IGDCC3: variants seen among roughly 807,000 people sequenced by gnomAD.
The protein encoded by IGDCC3 is immunoglobulin superfamily DCC subclass member 3, also known as putative neuronal cell adhesion molecule.
IGDCC3 carries 47 observed loss-of-function variants against 72.0 expected under a neutral mutation model. The ratio of observed to expected loss-of-function variants is 0.65; its 90% CI spans 0.52 to 0.83. IGDCC3 has a LOEUF of 0.83. IGDCC3 is among the 40% of genes least tolerant of loss of function. IGDCC3 has a pLI of 0.00. For missense variants in IGDCC3, 1,038 were observed against 1,091.3 expected (o/e 0.95, Z 0.69); for synonymous variants, 477 against 472.8 (o/e 1.01, Z -0.11).
intron 2 of IGDCC3, among the ~76,000 whole-genome samples, chr15:65,372,503 C>A (rs896510911): frequency 1.3e-5 from 2 of 152,186 alleles, no homozygotes; most frequent in African/African-American, 2.4e-5. Flanking sequence ...GCATCTGAAC[C>A]CCCTGATGGA....
At chr15:65,330,228 A>C in intron 11 of IGDCC3, 65 bp downstream of exon 11, 6 of 1,146,576 alleles carry the variant, frequency 5.2e-6, no homozygotes, top group Non-Finnish European at 7.8e-6. Flanking sequence ...GGCACATGCT[A>C]TCTCACCCCA....
chr15:65,367,387 A>G (rs1169336334), intron 2 of IGDCC3, among the ~76,000 whole-genome samples: 15 of 148,208 alleles, frequency 1.0e-4, no homozygotes, highest in African/African-American at 2.2e-4. Flanking sequence ...AGGAATGGGG[A>G]GAGGGGGGAG....
In IGDCC3 at chr15:65,359,634, A is replaced by G. The variant is rs532493478; in HGVS notation, c.409+15463T>C. Among the ~76,000 whole-genome samples, 168 of 152,324 alleles carry G rather than the reference A, an allele frequency of 1.1e-3. 2 individuals carry two copies. Among genetic ancestry groups the G allele is most frequent in the Non-Finnish European group, 1.4e-3 (97 of 68,030 alleles). Reference sequence around the variant, plus strand: ...CCTCTCCCAAGTGGCCAATGGTCAGACCTTGGAAGAAGGGTGTTTCAGGGA... The same window carrying G: ...CCTCTCCCAAGTGGCCAATGGTCAGGCCTTGGAAGAAGGGTGTTTCAGGGA... On this transcript the variant is annotated intron_variant, in intron 2 of 13. Transcript: ENST00000327987.
chr15:65,331,920 C>T (rs748834469), intron 7 of IGDCC3, 21 bp downstream of exon 7: 4 of 1,607,360 alleles, frequency 2.5e-6, no homozygotes, highest in African/African-American at 1.3e-5. Context: ...GTCCTCACCC[C>T]AGCACACACC....
Position 65,349,521 on chromosome 15 carries a change from T to C in IGDCC3, c.410-13565A>G, listed in dbSNP as rs138077239. Reference sequence around the variant, plus strand: ...AGTCTTAAGCTGGTGTATTTTGTGCTATGAATTCGTTTTTCTGTGTCGAGG... The same window carrying C: ...AGTCTTAAGCTGGTGTATTTTGTGCCATGAATTCGTTTTTCTGTGTCGAGG... On this transcript the variant is annotated intron_variant, in intron 2 of 13. Transcript: ENST00000327987. Among the ~76,000 whole-genome samples, 737 of 152,366 alleles carry C rather than the reference T, an allele frequency of 4.8e-3. 6 individuals are homozygous for C. Among genetic ancestry groups the C allele is most frequent in the African/African-American group, 0.016 (683 of 41,584 alleles).
chr15:65,335,608 T>A (rs893588796), intron 3 of IGDCC3, among the ~76,000 whole-genome samples, 187 bp from the exon 4 acceptor site: 1 of 151,776 alleles, frequency 6.6e-6, no homozygotes, highest in Admixed American at 6.6e-5. Context: ...ATCGCACACA[T>A]CCTCAGACAC....
Position 65,335,309 on chromosome 15 carries a change from C to T in IGDCC3, c.667G>A (p.Ala223Thr). 1 of 1,612,034 alleles carries T rather than the reference C, an allele frequency of 6.2e-7. No homozygotes were observed. The highest frequency in any genetic ancestry group is 8.5e-7 in the Non-Finnish European group (1 of 1,178,992). The change falls in exon 4 of 14, where the codon GCC becomes ACC. Residue 223 changes from alanine (A) to threonine (T), a missense_variant. Ala to Thr is a moderately conservative substitution (Grantham distance 58). Transcript: ENST00000327987. ...NIASIRISHG[A>T]RLTVSGSGSG... ...CCCTCACCTGACACAGTGAGCCTGGCCCCGTGGCTGATCCGGATACTGGCG... is the reference window on the plus strand; with the variant it reads ...CCCTCACCTGACACAGTGAGCCTGGTCCCGTGGCTGATCCGGATACTGGCG...
intron 5 of IGDCC3, among the ~76,000 whole-genome samples, chr15:65,333,658 ACCTGCAAGGCCCTCC>A (rs2090999433): frequency 6.6e-6 from 1 of 152,172 alleles, no homozygotes; most frequent in African/African-American, 2.4e-5. Context: ...CTCACGGGCC[ACCTGCAAGGCCCTCC>A]CCTTCTGTTT....
Position 65,329,325 on chromosome 15 carries a change from G to T in IGDCC3, c.2205+65C>A. ...AGGCCCGTGGCCAAGGTGAAGGGGGGCAGGATTGGAAGGTGGCAGTGTCAG... is the reference window on the plus strand; with the variant it reads ...AGGCCCGTGGCCAAGGTGAAGGGGGTCAGGATTGGAAGGTGGCAGTGTCAG... On this transcript the variant is annotated intron_variant, in intron 13 of 13. Coordinates refer to ENST00000327987, the MANE Select transcript of IGDCC3 (RefSeq NM_004884.4). This position sits in a 1 kb window ranked among gnomAD's most constrained non-coding sequence, Gnocchi z 4.1. The T allele has an allele frequency of 6.7e-7, 1 of 1,501,420 alleles. No individual in the cohort carries two copies. Among genetic ancestry groups the T allele is most frequent in the Non-Finnish European group, 9.0e-7 (1 of 1,108,082 alleles). The allele number at this position is 1,501,420 out of a possible 1,614,324, so 93.0% of individuals were successfully genotyped here.
chr15:65,351,482 C>T (rs573437844), intron 2 of IGDCC3, among the ~76,000 whole-genome samples: 3 of 148,578 alleles, frequency 2.0e-5, no homozygotes, highest in Admixed American at 6.8e-5. Flanking sequence ...TGCAATGAGC[C>T]GAGATTGCAC....
intron 2 of IGDCC3, among the ~76,000 whole-genome samples, chr15:65,343,041 G>C (rs1303168522): frequency 6.6e-6 from 1 of 152,136 alleles, no homozygotes; most frequent in African/African-American, 2.4e-5. Context: ...TCTTGGGCAA[G>C]TGATAGAATC....
rs780028095 is a variant in IGDCC3, at chr15:65,329,430, G to C, written c.2165C>G (p.Pro722Arg). 1 of 1,605,088 alleles carries C rather than the reference G, an allele frequency of 6.2e-7. No homozygotes were observed. Among genetic ancestry groups the C allele is most frequent in the Admixed American group, 1.7e-5 (1 of 57,586 alleles). The change falls in exon 13 of 14, where the codon CCC becomes CGC. Residue 722 changes from proline (P) to arginine (R), a missense_variant. Transcript: ENST00000327987. This position sits in a 1 kb window ranked among gnomAD's most constrained non-coding sequence, Gnocchi z 4.1. ...CGGCTGCCCTGCTGCGCTGGCCGGG[G>C]GGAACAGCTGCTCCAGCTCCTTCAT... ...VDMKELEQLF[P>R]PASAAGQPDP... is the part of the protein sequence containing the mutation.
At chr15:65,376,292 G>C (rs1567074638) in intron 1 of IGDCC3, among the ~76,000 whole-genome samples, 1 of 152,346 alleles carries the variant, frequency 6.6e-6, no homozygotes, top group East Asian at 1.9e-4. Flanking sequence ...GAATAGATGG[G>C]GTTAAGGCCA....
Position 65,330,648 on chromosome 15 carries a change from C to T in IGDCC3, c.1655G>A (p.Gly552Asp), listed in dbSNP as rs1567059980. The T allele has an allele frequency of 1.9e-6, 3 of 1,613,526 alleles. No individual in the cohort carries two copies. The highest frequency in any genetic ancestry group is 2.5e-6 in the Non-Finnish European group (3 of 1,179,838). ...TGGGCGGTAAAACAGCTTGAAGCCG[C>T]CCTCGTGCTGGGCCAGCCGGGGCCA... The part of the protein sequence containing the change: ...EPWPRLAQHE[G>D]GFKLFYRPAS... The change falls in exon 10 of 14, where the codon GGC becomes GAC. Residue 552 changes from glycine to aspartate, a missense_variant. Transcript: ENST00000327987.
chr15:65,350,272 A>G (rs1398142873), intron 2 of IGDCC3, among the ~76,000 whole-genome samples: 1 of 151,560 alleles, frequency 6.6e-6, no homozygotes, highest in Non-Finnish European at 1.5e-5. Context: ...CTGGGACTAC[A>G]GGCGCCTGCC....
At chr15:65,334,693 C>T in intron 5 of IGDCC3, 35 bp downstream of exon 5, 1 of 1,512,958 alleles carries the variant, frequency 6.6e-7, no homozygotes, top group South Asian at 1.3e-5. Flanking sequence ...GTGGGACAGG[C>T]TGGGAGGGGC....
intron 9 of IGDCC3, 131 bp downstream of exon 9, chr15:65,330,919 T>A: frequency 8.6e-7 from 1 of 1,166,960 alleles, no homozygotes; most frequent in Non-Finnish European, 1.2e-6. Flanking sequence ...TTCCTCCAAG[T>A]AGACTCAGCC....
At chr15:65,354,971 T>C (rs503837) in intron 2 of IGDCC3, among the ~76,000 whole-genome samples, 19,965 of 152,170 alleles carry the variant, frequency 0.13, 1,581 homozygotes, top group African/African-American at 0.22. Context: ...GGAATCGGTG[T>C]GTCTACTAAA....
rs925549541 is a variant in IGDCC3 at position 65,329,832 on chromosome 15, C to A, written c.1891G>T (p.Glu631Ter). Residue 631 changes from glutamate to a stop codon, truncating the protein, a stop_gained, in exon 12 of 14, where the codon GAG becomes TAG. Coordinates refer to ENST00000327987, the MANE Select transcript of IGDCC3 (RefSeq NM_004884.4). LOFTEE classifies it high-confidence loss of function. This position sits in a 1 kb window ranked among gnomAD's most constrained non-coding sequence, Gnocchi z 4.1. Reference protein sequence around the residue: ...LSPPCDCRKEEAANQTSTTGI... With the variant: ...LSPPCDCRKE ...GTGGTGGACGTCTGGTTGGCGGCCT[C>A]CTCCTTCCGGCAGTCACATGGTGGG... 4 of 1,614,106 alleles carry A rather than the reference C, an allele frequency of 2.5e-6. No individual in the cohort carries two copies. The highest frequency in any genetic ancestry group is 3.4e-6 in the Non-Finnish European group (4 of 1,180,028).
Sources: allele counts gnomAD v4.1 joint callset (sites outside exome capture counted in the v4.1 genomes callset), GRCh38; gene constraint gnomAD v4.1.1; non-coding constraint Gnocchi (gnomAD v3.1); transcripts MANE v1.5; gene names NCBI Gene and HGNC (gene_info 2026-07-23, HGNC 2026-07-21).